CFAP58: variants seen among roughly 807,000 people sequenced by gnomAD.
CFAP58 encodes cilia- and flagella-associated protein 58.
A neutral mutation model predicts 119.5 loss-of-function variants in CFAP58; 88 were observed. The ratio of observed to expected loss-of-function variants is 0.74; its 90% CI spans 0.62 to 0.88. CFAP58 has a LOEUF of 0.88. Among genes scored for constraint, CFAP58 ranks in the 40% least tolerant of loss-of-function variants. The probability of loss-of-function intolerance (pLI) is 0.00; values close to 1 mark genes in which losing one functional copy is unlikely to be tolerated. For missense variants in CFAP58, 990 were observed against 1,021.2 expected (o/e 0.97, Z 0.42); for synonymous variants, 365 against 366.3 (o/e 1.00, Z 0.04).
At chr10:104,453,761 AGTGTGTGTGTGT>A (rs56666132) in intron 17 of CFAP58, among the ~76,000 whole-genome samples, 8 of 138,932 alleles carry the variant, frequency 5.8e-5, no homozygotes, top group East Asian at 2.1e-4. Context: ...CATGAATATG[AGTGTGTGTGTGT>A]GTGTGTGTGT....
intron 6 of CFAP58, 149 bp from the exon 7 acceptor site, chr10:104,370,746 C>G: frequency 8.3e-6 from 5 of 604,742 alleles, no homozygotes; most frequent in Non-Finnish European, 1.3e-5. Context: ...TCTCTCAAAA[C>G]CAAATTGTGT....
intron 11 of CFAP58, among the ~76,000 whole-genome samples, chr10:104,395,421 G>T (rs2012130420): frequency 6.6e-6 from 1 of 152,178 alleles, no homozygotes; most frequent in South Asian, 2.1e-4. Flanking sequence ...GATTGCTTTG[G>T]ACTTACTGTT....
chr10:104,385,007 C>T (rs2011892684), intron 9 of CFAP58, among the ~76,000 whole-genome samples: 1 of 152,116 alleles, frequency 6.6e-6, no homozygotes, highest in South Asian at 2.1e-4. Flanking sequence ...ACAGTGATGT[C>T]CAATATTGGA....
At chr10:104,445,755 T>G (rs1213293391) in intron 15 of CFAP58, among the ~76,000 whole-genome samples, 1 of 152,076 alleles carries the variant, frequency 6.6e-6, no homozygotes, top group Non-Finnish European at 1.5e-5. Flanking sequence ...GAGGCACCAT[T>G]AATTCCTGCT....
chr10:104,398,270 T>A (rs368639786), intron 11 of CFAP58, among the ~76,000 whole-genome samples: 4 of 152,278 alleles, frequency 2.6e-5, no homozygotes, highest in African/African-American at 9.6e-5. Flanking sequence ...GTCTTGCTTA[T>A]CTTCTATATT....
Position 104,358,570 on chromosome 10 carries a change from C to T in CFAP58, c.239C>T (p.Thr80Ile), listed in dbSNP as rs771671314. ...GTAGTGAATTCTGCGAAGGTCGCCA[C>T]TGCCCTTAAGCTCTCTCAGGATGAT... Reference protein sequence around the residue: ...EIVVNSAKVATALKLSQDDQT... With the variant: ...EIVVNSAKVAIALKLSQDDQT... Residue 80 changes from threonine (T) to isoleucine (I), a missense_variant, in exon 2 of 18, where the codon ACT (threonine) becomes ATT (isoleucine). Physicochemically the swap from Thr to Ile is moderately conservative, Grantham distance 89. Coordinates refer to ENST00000369704, the MANE Select transcript of CFAP58 (RefSeq NM_001008723.2). 6.2e-7 allele frequency: 1 copy of T among 1,614,148 alleles called. No homozygotes were observed. Among genetic ancestry groups the T allele is most frequent in the Admixed American group, 1.7e-5 (1 of 60,006 alleles).
intron 14 of CFAP58, among the ~76,000 whole-genome samples, 187 bp downstream of exon 14, chr10:104,404,027 T>C (rs1289286299): frequency 1.3e-5 from 2 of 152,254 alleles, no homozygotes; most frequent in African/African-American, 2.4e-5. Context: ...TTGGGTTTTG[T>C]TTTAAAAGTC....
At position 104,399,596 on chromosome 10, in the gene CFAP58, A is replaced by G. The variant is rs983402805; in HGVS notation, c.1815+96A>G. The stretch of plus-strand genomic sequence containing the variant: ...CTTCCTTCCTCTCTAAGCTCTTCCA[A>G]CCAGCCCTATTGGAAGAACAGCAGC... On this transcript the variant is annotated intron_variant, in intron 12 of 17. Transcript: ENST00000369704. 16 of 1,304,786 alleles carry G rather than the reference A, an allele frequency of 1.2e-5. No homozygotes were observed. In the Admixed American group the frequency reaches 1.7e-4, roughly 14 times the overall value. The allele number at this position is 1,304,786 out of a possible 1,614,324, so 80.8% of individuals were successfully genotyped here.
At position 104,400,923 on chromosome 10, in the gene CFAP58, A is replaced by C; in HGVS notation, c.2039+20A>C. ...ACTCAGGTAATAGATTATAGAACTC[A>C]GGGCTGAAGGCACAGTGCAACGTGG... is the stretch of plus-strand genomic sequence containing the variant. On this transcript the variant is annotated intron_variant, in intron 13 of 17. Coordinates refer to ENST00000369704, the MANE Select transcript of CFAP58 (RefSeq NM_001008723.2). The C allele has an allele frequency of 6.9e-5, 109 of 1,579,044 alleles. No individual in the cohort carries two copies. The highest frequency in any genetic ancestry group is 8.9e-5 in the Non-Finnish European group (102 of 1,149,102).
intron 10 of CFAP58, 91 bp from the exon 11 acceptor site, chr10:104,393,238 G>A (rs1415498037): frequency 3.4e-5 from 39 of 1,142,018 alleles, no homozygotes; most frequent in South Asian, 2.8e-4. Context: ...TTGAGAGAGC[G>A]TCCCTTAAAA....
chr10:104,366,261 A>C (rs896111204), intron 5 of CFAP58, among the ~76,000 whole-genome samples: 1 of 152,108 alleles, frequency 6.6e-6, no homozygotes, highest in African/African-American at 2.4e-5. Flanking sequence ...TCTATACTAC[A>C]CATATAGACA....
intron 7 of CFAP58, among the ~76,000 whole-genome samples, chr10:104,372,603 A>G (rs892521365): frequency 1.3e-5 from 2 of 152,190 alleles, no homozygotes; most frequent in Non-Finnish European, 1.5e-5. Context: ...TTGTTATGCC[A>G]CAGTCTAGTG....
Position 104,438,968 on chromosome 10 carries a change from A to G in CFAP58, c.2257-8730A>G, listed in dbSNP as rs535348728. ...CAATAACCATAAGATTTATGGTTCAATAAATCTTAGAACCATATTATTGAG... is the reference window on the plus strand; with the variant it reads ...CAATAACCATAAGATTTATGGTTCAGTAAATCTTAGAACCATATTATTGAG... On this transcript the variant is annotated intron_variant, in intron 15 of 17. Coordinates refer to ENST00000369704, the MANE Select transcript of CFAP58 (RefSeq NM_001008723.2). Among the ~76,000 whole-genome samples, 28 of 152,358 alleles carry G rather than the reference A, an allele frequency of 1.8e-4. No homozygotes were observed. In the South Asian group the frequency reaches 5.8e-3, roughly 32 times the overall value.
At chr10:104,393,032 T>C (rs890254800) in intron 10 of CFAP58, among the ~76,000 whole-genome samples, 2 of 152,198 alleles carry the variant, frequency 1.3e-5, no homozygotes, top group South Asian at 4.1e-4. Context: ...CAAAATCTTT[T>C]AGTTATATGT....
intron 8 of CFAP58, among the ~76,000 whole-genome samples, chr10:104,378,239 C>A (rs1270938073): frequency 6.6e-6 from 1 of 152,154 alleles, no homozygotes; most frequent in African/African-American, 2.4e-5. Context: ...CCACCTTCAT[C>A]CAAAGAATGA....
intron 15 of CFAP58, among the ~76,000 whole-genome samples, chr10:104,432,841 T>A (rs577931928): frequency 2.0e-5 from 3 of 152,206 alleles, no homozygotes; most frequent in Non-Finnish European, 4.4e-5. Context: ...TTTAAATGGA[T>A]GTAAACTTTC....
chr10:104,364,512 A>G (rs1264934441), intron 3 of CFAP58, among the ~76,000 whole-genome samples: 1 of 152,060 alleles, frequency 6.6e-6, no homozygotes, highest in African/African-American at 2.4e-5. Context: ...CTTAAAAATA[A>G]AAAAATAAAT....
In CFAP58 at chr10:104,447,740, C is replaced by T. The variant is rs1421197860; in HGVS notation, c.2299C>T (p.Arg767Cys). ...CATGGAACTAAAGCACGTCTTGGCC[C>T]GCCAGCCTGGACCTGAGGCTGCGGA... ...LYMELKHVLARQPGPEAAEQL... is the reference protein window; with the variant it reads ...LYMELKHVLACQPGPEAAEQL... The change falls in exon 16 of 18, where the codon CGC becomes TGC. Residue 767 changes from arginine (R) to cysteine (C), a missense_variant. Coordinates refer to ENST00000369704, the MANE Select transcript of CFAP58 (RefSeq NM_001008723.2). The T allele has an allele frequency of 9.3e-6, 15 of 1,614,130 alleles. No homozygotes were observed. The highest frequency in any genetic ancestry group is 6.7e-5 in the East Asian group (3 of 44,878).
chr10:104,364,658 T>C (rs2014718035), intron 3 of CFAP58, 75 bp from the exon 4 acceptor site: 7 of 1,368,476 alleles, frequency 5.1e-6, no homozygotes, highest in Non-Finnish European at 7.1e-6. Flanking sequence ...CCCATGAAAA[T>C]GAACTCAGAG....
Sources: gnomAD v4.1 joint callset for allele counts (sites outside exome capture counted in the v4.1 genomes callset) on GRCh38, gnomAD v4.1.1 for gene constraint, MANE v1.5 for transcripts, NCBI Gene and HGNC (gene_info 2026-07-23, HGNC 2026-07-21) for gene names.